The following EPHA5 variants were observed in gnomAD, a reference collection of about 807,000 sequenced individuals.
EPHA5 encodes the protein ephrin type-A receptor 5.
In EPHA5, 60 loss-of-function variants were observed where a neutral mutation model predicts 105.0. The ratio of observed to expected loss-of-function variants is 0.57; its 90% CI spans 0.46 to 0.71. EPHA5 has a LOEUF of 0.71. EPHA5 is among the 30% of genes least tolerant of loss of function. The pLI, the probability that EPHA5 is intolerant of heterozygous loss-of-function variation, is 0.00. For synonymous variants in EPHA5, 513 were observed against 449.1 expected, an observed-to-expected ratio of 1.14 and a Z score of -1.80; for missense variants, 1,218 against 1,274.7, an observed-to-expected ratio of 0.96 and a Z score of 0.68.
chr4:65,465,559 GGAAGGAAAGGAAGGAA>G (rs1728631313), intron 5 of EPHA5, among the ~76,000 whole-genome samples: 1 of 131,886 alleles, frequency 7.6e-6, no homozygotes, highest in East Asian at 2.2e-4. Context: ...AGGAAGGAAA[GGAAGGAAAGGAAGGAA>G]AGGAAGGAAA....
At chr4:65,553,432 T>C (rs1738111232) in intron 3 of EPHA5, among the ~76,000 whole-genome samples, 3 of 152,070 alleles carry the variant, frequency 2.0e-5, no homozygotes, top group Non-Finnish European at 4.4e-5. Flanking sequence ...TCTAAACTTC[T>C]GTTACTCAAT....
intron 3 of EPHA5, among the ~76,000 whole-genome samples, chr4:65,524,361 T>C (rs1267820066): frequency 6.6e-6 from 1 of 151,820 alleles, no homozygotes; most frequent in Non-Finnish European, 1.5e-5. Flanking sequence ...GTTCATATAA[T>C]ATCCTTTATT....
At chr4:65,353,560 G>T (rs1239025043) in intron 11 of EPHA5, among the ~76,000 whole-genome samples, 1 of 150,724 alleles carries the variant, frequency 6.6e-6, no homozygotes, top group Non-Finnish European at 1.5e-5. Context: ...ACTAATTTAT[G>T]TAGGAAATGT....
At chr4:65,520,734 C>A (rs1030031192) in intron 3 of EPHA5, among the ~76,000 whole-genome samples, 1 of 152,094 alleles carries the variant, frequency 6.6e-6, no homozygotes, top group Non-Finnish European at 1.5e-5. Flanking sequence ...AGACACTTCT[C>A]AAAAGAAGAC....
chr4:65,472,363 T>G (rs959430089), intron 5 of EPHA5, among the ~76,000 whole-genome samples: 5 of 152,120 alleles, frequency 3.3e-5, no homozygotes, highest in Non-Finnish European at 7.4e-5. Flanking sequence ...CATTCTGGGG[T>G]CTGAAGTGGC....
At chr4:65,665,675 C>T (rs1176568601) in intron 1 of EPHA5, among the ~76,000 whole-genome samples, 2 of 152,000 alleles carry the variant, frequency 1.3e-5, no homozygotes, top group Non-Finnish European at 2.9e-5. Context: ...GTTTTAAATG[C>T]AGAAATTGTT....
chr4:65,602,050 C>T lies in EPHA5; in HGVS notation c.501G>A (p.Lys167=), dbSNP rs2149440161. The T allele has an allele frequency of 6.2e-7, 1 of 1,614,008 alleles. No individual in the cohort carries two copies. The highest frequency in any genetic ancestry group is 8.5e-7 in the Non-Finnish European group (1 of 1,179,962). Residue 167 remains lysine, a synonymous_variant, in exon 3 of 17, where the codon AAG becomes AAA. Coordinates refer to ENST00000613740, the MANE Select transcript of EPHA5 (RefSeq NM_001281766.3). The part of the protein sequence containing the change: ...ESDDQNGRNI[K]ENQYIKIDTI... The stretch of plus-strand genomic sequence containing the variant: ...TATCAATTTTGATGTATTGGTTTTC[C>T]TTGATGTTTCTCCCATTCTGATCAT...
chr4:65,344,946 A>G (rs7656497), intron 14 of EPHA5, among the ~76,000 whole-genome samples: 43,181 of 152,082 alleles, frequency 0.28, 7,289 homozygotes, highest in South Asian at 0.44. Flanking sequence ...TGATGCTTAG[A>G]TACAAAAATT....
chr4:65,398,391 C>A (rs1275436048), intron 8 of EPHA5, among the ~76,000 whole-genome samples: 1 of 152,220 alleles, frequency 6.6e-6, no homozygotes, highest in East Asian at 1.9e-4. Context: ...CATGGGCCTG[C>A]AGGAACCCCT....
intron 2 of EPHA5, among the ~76,000 whole-genome samples, chr4:65,634,770 C>T (rs1048527831): frequency 6.6e-6 from 1 of 152,068 alleles, no homozygotes; most frequent in African/African-American, 2.4e-5. Flanking sequence ...TTCAGCATTA[C>T]TTTAATCTTT....
intron 5 of EPHA5, among the ~76,000 whole-genome samples, chr4:65,461,467 T>C (rs1728114870): frequency 6.6e-6 from 1 of 152,062 alleles, no homozygotes; most frequent in African/African-American, 2.4e-5. Context: ...ATTTTCGATA[T>C]ACAAATTTAC....
chr4:65,662,576 A>AAC (rs1749642310), intron 1 of EPHA5, among the ~76,000 whole-genome samples: 4 of 152,106 alleles, frequency 2.6e-5, no homozygotes, highest in African/African-American at 9.7e-5. Flanking sequence ...TAGAAGGAAA[A>AAC]AACAACAACA....
At chr4:65,622,812 T>C (rs1745821466) in intron 2 of EPHA5, among the ~76,000 whole-genome samples, 1 of 152,048 alleles carries the variant, frequency 6.6e-6, no homozygotes, top group African/African-American at 2.4e-5. Flanking sequence ...AAATCCTGTC[T>C]CTTAGAAGGG....
At chr4:65,352,655 G>A (rs1286461236) in intron 12 of EPHA5, among the ~76,000 whole-genome samples, 4 of 151,908 alleles carry the variant, frequency 2.6e-5, no homozygotes, top group Non-Finnish European at 2.9e-5. Context: ...CTATTTACAC[G>A]TTTTCTTGCT....
intron 2 of EPHA5, among the ~76,000 whole-genome samples, chr4:65,612,550 AT>A (rs1744874866): frequency 6.6e-6 from 1 of 152,078 alleles, no homozygotes; most frequent in South Asian, 2.1e-4. Flanking sequence ...CATATGCCAC[AT>A]TTTCTTTATC....
chr4:65,460,736 C>A (rs1232288218), intron 5 of EPHA5, among the ~76,000 whole-genome samples: 1 of 151,336 alleles, frequency 6.6e-6, no homozygotes, highest in Non-Finnish European at 1.5e-5. Flanking sequence ...AATTAATTAG[C>A]CTAAAGAAGT....
intron 1 of EPHA5, among the ~76,000 whole-genome samples, chr4:65,666,929 T>C (rs1047401089): frequency 6.6e-6 from 1 of 152,186 alleles, no homozygotes; most frequent in East Asian, 1.9e-4. Flanking sequence ...TTACATTTAT[T>C]CTGTATGTTT....
Position 65,420,543 on chromosome 4 carries a change from C to T in EPHA5, c.1425G>A (p.Val475=), listed in dbSNP as rs2149037296. 6.2e-7 allele frequency: 1 copy of T among 1,612,814 alleles called. No individual in the cohort carries two copies. The highest frequency in any genetic ancestry group is 8.5e-7 in the Non-Finnish European group (1 of 1,179,390). ...NQAAPSPVTN[V]KKGKIAKNSI... is the part of the protein sequence containing the mutation. ...TGTTTTTTGCAATTTTCCCTTTTTTCACATTGGTGACTGGAGATGGAGCTG... is the reference window on the plus strand; with the variant it reads ...TGTTTTTTGCAATTTTCCCTTTTTTTACATTGGTGACTGGAGATGGAGCTG... The change falls in exon 6 of 17, where the codon GTG becomes GTA. Residue 475 remains valine, a synonymous_variant. Transcript: ENST00000613740.
intron 3 of EPHA5, among the ~76,000 whole-genome samples, chr4:65,574,600 G>GTATA (rs376092912): frequency 1.2e-5 from 1 of 80,182 alleles, no homozygotes; most frequent in African/African-American, 4.1e-5. Flanking sequence ...ATATATTGCT[G>GTATA]TATATATATA....
Sources: allele counts gnomAD v4.1 joint callset (sites outside exome capture counted in the v4.1 genomes callset), GRCh38; gene constraint gnomAD v4.1.1; transcripts MANE v1.5; gene names NCBI Gene and HGNC (gene_info 2026-07-23, HGNC 2026-07-21).